The following CCR5AS variants were observed in gnomAD, a reference collection of about 807,000 sequenced individuals.
The protein encoded by CCR5AS is CCR5 antisense RNA.
rs1290188448 is a variant in CCR5AS, at chr3:46,406,113, C to T, written n.163+784G>A. Among the ~76,000 whole-genome samples the T allele has an allele frequency of 7.2e-5, 11 of 152,194 alleles. No homozygotes were observed. In the East Asian group the frequency reaches 1.9e-3, roughly 27 times the overall value. On this transcript the variant is annotated intron_variant and non_coding_transcript_variant, in intron 1 of 3. Transcript: ENST00000451485. ...CTGGCCTCAAACTCCTGGGCTCAAGCGACCCTCCCACCTCATACTTCTGAG... is the reference window on the plus strand; with the variant it reads ...CTGGCCTCAAACTCCTGGGCTCAAGTGACCCTCCCACCTCATACTTCTGAG...
At chr3:46,373,755 C>G (rs748811682) in intron 2 of CCR5AS, 3 of 1,613,784 alleles carry the variant, frequency 1.9e-6, no homozygotes, top group Non-Finnish European at 2.5e-6. Context: ...GACAGAGACT[C>G]TTGGGATGAC....
intron 3 of CCR5AS, among the ~76,000 whole-genome samples, chr3:46,365,858 T>A (rs1421788548): frequency 6.6e-6 from 1 of 152,174 alleles, no homozygotes; most frequent in Non-Finnish European, 1.5e-5. Context: ...GCACTCTTGA[T>A]CCTTGCAGCC....
At chr3:46,400,969 G>A (rs1437208626) in intron 1 of CCR5AS, among the ~76,000 whole-genome samples, 1 of 152,194 alleles carries the variant, frequency 6.6e-6, no homozygotes, top group East Asian at 1.9e-4. Flanking sequence ...ATCCTCAAGG[G>A]ACAGGAGATG....
chr3:46,388,374 G>A (rs1229451398), intron 2 of CCR5AS, among the ~76,000 whole-genome samples: 2 of 152,176 alleles, frequency 1.3e-5, no homozygotes, highest in African/African-American at 4.8e-5. Context: ...ATTGGTAATG[G>A]CCTGGATGCA....
chr3:46,381,659 G>A (rs1340170361), intron 2 of CCR5AS, among the ~76,000 whole-genome samples: 1 of 152,192 alleles, frequency 6.6e-6, no homozygotes, highest in Non-Finnish European at 1.5e-5. Flanking sequence ...CCTCTACTTA[G>A]GTTTACTGCC....
chr3:46,387,881 CG>C (rs1701876681), intron 2 of CCR5AS, among the ~76,000 whole-genome samples: 1 of 151,604 alleles, frequency 6.6e-6, no homozygotes, highest in Non-Finnish European at 1.5e-5. Context: ...CGGGTACAGG[CG>C]GGGGTCACAA....
At chr3:46,370,732 AC>A in intron 3 of CCR5AS, 1 of 152,306 alleles carries the variant, frequency 6.6e-6, no homozygotes, top group South Asian at 2.1e-4. Context: ...GAGAACAAAA[AC>A]AAAATAATCC....
At chr3:46,379,766 G>A (rs1281125269) in intron 2 of CCR5AS, among the ~76,000 whole-genome samples, 1 of 152,022 alleles carries the variant, frequency 6.6e-6, no homozygotes, top group Non-Finnish European at 1.5e-5. Context: ...ACGTGGTGGC[G>A]GGTGCTTGTA....
At chr3:46,399,909 G>A (rs1701992293) in intron 1 of CCR5AS, among the ~76,000 whole-genome samples, 1 of 152,164 alleles carries the variant, frequency 6.6e-6, no homozygotes, top group Admixed American at 6.5e-5. Flanking sequence ...CAGCTATCAG[G>A]GAATCTAGAA....
chr3:46,373,338 G>T, intron 2 of CCR5AS: 1 of 1,614,184 alleles, frequency 6.2e-7, no homozygotes, highest in South Asian at 1.1e-5. Context: ...CACCTTTGGG[G>T]TGGTGACAAG....
rs563025816 is a variant in CCR5AS, at chr3:46,371,570, G to A, written n.392-153C>T. ...GGCTTCTCTCAGCTGCCTAGTCTAA[G>A]GTGCAGGGAGTTTGAGACTCACAGG... On this transcript the variant is annotated intron_variant and non_coding_transcript_variant, in intron 2 of 3. Transcript: ENST00000451485. Among the ~76,000 whole-genome samples, 25 of 152,274 alleles carry A rather than the reference G, an allele frequency of 1.6e-4. 1 individual carries two copies. The highest frequency in any genetic ancestry group is 1.5e-5 in the Non-Finnish European group (1 of 68,018).
chr3:46,401,398 G>A (rs1702004836), intron 1 of CCR5AS, among the ~76,000 whole-genome samples: 1 of 152,234 alleles, frequency 6.6e-6, no homozygotes, highest in Non-Finnish European at 1.5e-5. Flanking sequence ...CATACAAGAA[G>A]TATAATAGAG....
At chr3:46,394,704 AG>A (rs1701945398) in intron 1 of CCR5AS, among the ~76,000 whole-genome samples, 1 of 152,194 alleles carries the variant, frequency 6.6e-6, no homozygotes, top group African/African-American at 2.4e-5. Flanking sequence ...TACAAGGAAA[AG>A]TGTACGTGAC....
chr3:46,398,100 T>C (rs1445806498), intron 1 of CCR5AS, among the ~76,000 whole-genome samples: 1 of 152,184 alleles, frequency 6.6e-6, no homozygotes, highest in African/African-American at 2.4e-5. Context: ...CAAACACTTA[T>C]CTATTTTTGC....
intron 1 of CCR5AS, among the ~76,000 whole-genome samples, chr3:46,395,181 G>A (rs1488097794): frequency 6.6e-6 from 1 of 152,128 alleles, no homozygotes; most frequent in Non-Finnish European, 1.5e-5. Context: ...TTGGGTCTTG[G>A]CCCATTGAAA....
At chr3:46,401,785 T>G (rs1316910523) in intron 1 of CCR5AS, among the ~76,000 whole-genome samples, 1 of 148,924 alleles carries the variant, frequency 6.7e-6, no homozygotes. Context: ...AATTTATTAA[T>G]TTAATTAATA....
chr3:46,378,443 A>G (rs1701783375), intron 2 of CCR5AS, among the ~76,000 whole-genome samples: 1 of 151,742 alleles, frequency 6.6e-6, no homozygotes, highest in South Asian at 2.1e-4. Flanking sequence ...TTGGGGACTT[A>G]TTTTTGTTTC....
chr3:46,389,671 A>G (rs910217734), intron 2 of CCR5AS, among the ~76,000 whole-genome samples: 1 of 152,090 alleles, frequency 6.6e-6, no homozygotes, highest in East Asian at 1.9e-4. Context: ...CCTTTTTGAG[A>G]GAGTGAAAGG....
chr3:46,393,492 AAAAG>A lies in CCR5AS; in HGVS notation n.164-444_164-441del, dbSNP rs1361302266. On this transcript the variant is annotated intron_variant and non_coding_transcript_variant, in intron 1 of 3. Transcript: ENST00000451485. ...AAAAGAAAAGAAAAGAAAAGAAAAA[AAAAG>A]AAGAAGAAAAAAAAATTTTTTTTCC... Among the ~76,000 whole-genome samples, 286 of 148,862 alleles carry A rather than the reference AAAAG, an allele frequency of 1.9e-3. 4 individuals carry two copies. The highest frequency in any genetic ancestry group is 2.2e-3 in the Non-Finnish European group (151 of 67,618).
Sources: allele counts gnomAD v4.1 joint callset (sites outside exome capture counted in the v4.1 genomes callset), GRCh38; gene constraint gnomAD v4.1.1; transcripts MANE v1.5; gene names NCBI Gene and HGNC (gene_info 2026-07-23, HGNC 2026-07-21).